The following COL5A2 variants were observed in gnomAD, a reference collection of about 807,000 sequenced individuals.
COL5A2 encodes the protein collagen type V alpha 2 chain.
In COL5A2, 23 loss-of-function variants were observed where a neutral mutation model predicts 208.2. That is an observed-to-expected ratio of 0.11 (90% CI 0.08 to 0.16). COL5A2 has a LOEUF of 0.16. Ranked by LOEUF, COL5A2 falls within the 10% of genes least tolerant of loss-of-function variation. COL5A2 has a pLI of 1.00. For synonymous variants in COL5A2, 625 were observed against 628.5 expected (o/e 0.99, Z 0.08); for missense variants, 1,590 against 1,956.4 (o/e 0.81, Z 3.53).
chr2:189,107,118 G>C (rs1181601077), intron 2 of COL5A2, among the ~76,000 whole-genome samples: 2 of 151,376 alleles, frequency 1.3e-5, no homozygotes, highest in East Asian at 3.9e-4. Context: ...CAATGTTCAA[G>C]AAGAGGATTT....
the COL5A2 span, among the ~76,000 whole-genome samples, chr2:189,246,406 TATTGAAAGAC>T: frequency 0.024 from 3,593 of 152,304 alleles, 70 homozygotes; most frequent in Non-Finnish European, 0.034. Flanking sequence ...AGAATGCCAA[TATTGAAAGAC>T]ATCAATTGAT....
the COL5A2 span, among the ~76,000 whole-genome samples, chr2:189,231,218 C>A: frequency 6.6e-6 from 1 of 151,746 alleles, no homozygotes; most frequent in East Asian, 1.9e-4. Context: ...AAGTTTCAGT[C>A]ATGCAAGATG....
rs538758061 is a variant in COL5A2, at chr2:189,058,752, T to C, written c.2130+97A>G. On this transcript the variant is annotated intron_variant, in intron 32 of 53. Coordinates refer to ENST00000374866, the MANE Select transcript of COL5A2 (RefSeq NM_000393.5). ...AATTTTTATCCAGTCAAAGAATTTA[T>C]AGGTTAAAATAAATCCCAGTTTAAG... 181 of 1,153,156 alleles carry C rather than the reference T, an allele frequency of 1.6e-4. 1 individual carries two copies. The Middle Eastern group carries it at 4.1e-3, about 26-fold the overall frequency. The allele number at this position is 1,153,156 out of a possible 1,614,324, so 71.4% of individuals were successfully genotyped here. A position where few individuals can be genotyped will look rare whatever the true frequency, so the allele number is the denominator to read the frequency against.
At chr2:189,184,994 G>A (rs115632134) in intron 1 of COL5A2, among the ~76,000 whole-genome samples, 7,600 of 151,630 alleles carry the variant, frequency 0.05, 606 homozygotes, top group African/African-American at 0.17. Flanking sequence ...ACAAAGCGTT[G>A]TTATACAAAC....
chr2:189,047,297 T>C (rs1685690976), intron 45 of COL5A2, among the ~76,000 whole-genome samples: 1 of 152,138 alleles, frequency 6.6e-6, no homozygotes, highest in East Asian at 1.9e-4. Flanking sequence ...GGTTGCACTA[T>C]ATAGTATATA....
the COL5A2 span, among the ~76,000 whole-genome samples, chr2:189,324,588 G>C: frequency 5.1e-5 from 5 of 98,920 alleles, no homozygotes; most frequent in Non-Finnish European, 1.2e-4. Flanking sequence ...CTGGCCATGA[G>C]AGAAATGCAA....
At chr2:189,156,905 G>A (rs1475015981) in intron 1 of COL5A2, among the ~76,000 whole-genome samples, 1 of 151,966 alleles carries the variant, frequency 6.6e-6, no homozygotes, top group East Asian at 1.9e-4. Flanking sequence ...TATGGCTGAA[G>A]ATTAGTTGCC....
intron 1 of COL5A2, among the ~76,000 whole-genome samples, chr2:189,214,272 A>G (rs1420426330): frequency 6.6e-6 from 1 of 152,056 alleles, no homozygotes; most frequent in African/African-American, 2.4e-5. Flanking sequence ...GGAAAGTAGA[A>G]ATACCTTAAT....
chr2:189,416,047 A>C, the COL5A2 span, among the ~76,000 whole-genome samples: 1 of 152,206 alleles, frequency 6.6e-6, no homozygotes, highest in Admixed American at 6.5e-5. Flanking sequence ...TATTGTTAAA[A>C]CTACATTCCT....
intron 16 of COL5A2, 62 bp downstream of exon 16, chr2:189,078,454 C>T: frequency 7.3e-7 from 1 of 1,368,994 alleles, no homozygotes; most frequent in East Asian, 2.3e-5. Flanking sequence ...TTCAGTAAAC[C>T]AAATCTGAAA....
rs758677787 is a variant in COL5A2, at chr2:189,052,997, C to T, written c.2575G>A (p.Val859Ile). The change falls in exon 39 of 54, where the codon GTA becomes ATA. Residue 859 changes from valine (V) to isoleucine (I), a missense_variant. Physicochemically the swap from Val to Ile is conservative, Grantham distance 29. Transcript: ENST00000374866. ...GPQGPDGQPG[V>I]KGEPGEPGQK... is the part of the protein sequence containing the mutation. ...CCTGGCTCTCCAGGTTCACCTTTTA[C>T]TCCAGGCTGTCCGTCAGGACCCTAT... 3 of 1,614,058 alleles carry T rather than the reference C, an allele frequency of 1.9e-6. No individual in the cohort carries two copies. The highest frequency in any genetic ancestry group is 4.5e-5 in the East Asian group (2 of 44,886).
chr2:189,111,393 A>C (rs1687257555), intron 1 of COL5A2, among the ~76,000 whole-genome samples: 1 of 152,212 alleles, frequency 6.6e-6, no homozygotes. Flanking sequence ...AAATACATCA[A>C]GAACTTCCCA....
the COL5A2 span, among the ~76,000 whole-genome samples, chr2:189,292,253 T>C: frequency 6.6e-6 from 1 of 152,130 alleles, no homozygotes; most frequent in African/African-American, 2.4e-5. Context: ...GAGAAAAAAA[T>C]CTACTTAGGA....
chr2:189,041,661 T>C lies in COL5A2; in HGVS notation c.3558A>G (p.Lys1186=). 1 of 1,613,992 alleles carries C rather than the reference T, an allele frequency of 6.2e-7. No individual in the cohort carries two copies. Among genetic ancestry groups the C allele is most frequent in the Non-Finnish European group, 8.5e-7 (1 of 1,179,858 alleles). Residue 1186 remains lysine (K), a synonymous_variant, in exon 50 of 54, where the codon AAA becomes AAG. Transcript: ENST00000374866. ...GPPGPVGPSG[K]EGNPGPLGPI... is the part of the protein sequence containing the mutation. ...GCCCAAGTGGCCCAGGGTTTCCTTC[T>C]TTACCTGAAGGACCAACTGGGCCTG...
intron 1 of COL5A2, among the ~76,000 whole-genome samples, chr2:189,191,255 G>C (rs377224250): frequency 6.6e-6 from 1 of 151,744 alleles, no homozygotes; most frequent in Non-Finnish European, 1.5e-5. Context: ...TACAACAGCA[G>C]GGACTAAAAA....
the COL5A2 span, among the ~76,000 whole-genome samples, chr2:189,262,834 T>C: frequency 6.6e-6 from 1 of 152,214 alleles, no homozygotes; most frequent in Admixed American, 6.5e-5. Context: ...TATCAACCAA[T>C]ATGGATTTAT....
chr2:189,097,505 C>A, intron 5 of COL5A2, 175 bp from the exon 6 acceptor site: 1 of 720,178 alleles, frequency 1.4e-6, no homozygotes. Flanking sequence ...CGCTTAGAAG[C>A]GTTGTTTATG....
At chr2:189,375,393 G>C in the COL5A2 span, among the ~76,000 whole-genome samples, 12 of 152,214 alleles carry the variant, frequency 7.9e-5, no homozygotes, top group African/African-American at 2.9e-4. Context: ...CTAGCTTAGA[G>C]ATCCTATCTT....
the COL5A2 span, among the ~76,000 whole-genome samples, chr2:189,393,004 A>C: frequency 1.3e-5 from 2 of 152,200 alleles, no homozygotes; most frequent in Non-Finnish European, 2.9e-5. Context: ...TTCTGTTTAC[A>C]GAATAGAACT....
Sources: allele counts gnomAD v4.1 joint callset (sites outside exome capture counted in the v4.1 genomes callset), GRCh38; gene constraint gnomAD v4.1.1; transcripts MANE v1.5; gene names NCBI Gene and HGNC (gene_info 2026-07-23, HGNC 2026-07-21).